CACNA1C: variants seen among roughly 807,000 people sequenced by gnomAD.
CACNA1C encodes calcium voltage-gated channel subunit alpha1 C.
Under a neutral mutation model 229.0 loss-of-function variants are expected in CACNA1C, and 30 were observed. That is an observed-to-expected ratio of 0.13 (90% CI 0.10 to 0.18). CACNA1C has a LOEUF of 0.18. Among genes scored for constraint, CACNA1C ranks in the 10% least tolerant of loss-of-function variants. The pLI, the probability that CACNA1C is intolerant of heterozygous loss-of-function variation, is 1.00. For missense variants in CACNA1C, 1,658 were observed against 2,845.0 expected (o/e 0.58, Z 9.49); for synonymous variants, 1,114 against 1,132.5 (o/e 0.98, Z 0.33).
intron 3 of CACNA1C, among the ~76,000 whole-genome samples, chr12:2,180,516 T>C (rs532621085): frequency 1.3e-5 from 2 of 152,242 alleles, no homozygotes; most frequent in African/African-American, 2.4e-5. Context: ...TGCTCAAAGA[T>C]ATTTTAGGTC....
chr12:2,516,384 G>A (rs912973220), intron 9 of CACNA1C, among the ~76,000 whole-genome samples: 1 of 152,168 alleles, frequency 6.6e-6, no homozygotes, highest in African/African-American at 2.4e-5. Context: ...GAACCAAAGA[G>A]CCTCTGGGTA....
Position 2,602,314 on chromosome 12 carries a change from G to A in CACNA1C, c.2960+354G>A, listed in dbSNP as rs558299166. ...CAGCAACCCACAGTCTGCCACTGCC[G>A]TGACCTCCCCTGACCTGGACCCTCC... On this transcript the variant is annotated intron_variant, in intron 22 of 46. Coordinates refer to ENST00000399655, the MANE Select transcript of CACNA1C (RefSeq NM_000719.7). The surrounding 1 kb of genome is among the most constrained non-coding windows in gnomAD (Gnocchi z 4.4). Among the ~76,000 whole-genome samples, 18 of 152,220 alleles carry A rather than the reference G, an allele frequency of 1.2e-4. No individual in the cohort carries two copies. In the East Asian group the frequency reaches 1.7e-3, roughly 15 times the overall value.
chr12:2,137,185 A>G (rs1778309507), intron 3 of CACNA1C, among the ~76,000 whole-genome samples: 2 of 151,340 alleles, frequency 1.3e-5, no homozygotes, highest in South Asian at 4.2e-4. Context: ...GAACACCAGG[A>G]TGTGGGATGG....
At chr12:2,191,123 C>T (rs2097197629) in intron 3 of CACNA1C, among the ~76,000 whole-genome samples, 1 of 152,038 alleles carries the variant, frequency 6.6e-6, no homozygotes, top group Admixed American at 6.5e-5. Flanking sequence ...CACCCTGGGG[C>T]GTCAGGAGAG....
At chr12:2,271,315 G>A (rs1042056433) in intron 3 of CACNA1C, among the ~76,000 whole-genome samples, 2 of 152,214 alleles carry the variant, frequency 1.3e-5, no homozygotes, top group African/African-American at 2.4e-5. Context: ...GCCCCAGAGC[G>A]GGTATTTTCC....
rs369262825 is a variant in CACNA1C at position 2,648,492 on chromosome 12, A to G, written c.3930A>G (p.Gln1310=). The G allele has an allele frequency of 1.9e-5, 30 of 1,613,508 alleles. No individual in the cohort carries two copies. In the East Asian group the frequency reaches 2.9e-4, roughly 16 times the overall value. ...ITEVNPAEHT[Q]CSPSMNAEEN... ...CTTTAAAGCCAGCTGAACATACCCA[A>G]TGCTCTCCCTCTATGGTAAGACCAA... Residue 1310 remains glutamine, a synonymous_variant, in exon 31 of 47, where the codon CAA becomes CAG. Coordinates refer to ENST00000399655, the MANE Select transcript of CACNA1C (RefSeq NM_000719.7).
chr12:2,462,942 T>C (rs533867637), intron 5 of CACNA1C, among the ~76,000 whole-genome samples: 1 of 147,168 alleles, frequency 6.8e-6, no homozygotes, highest in Non-Finnish European at 1.5e-5. Context: ...AGACGGAGTC[T>C]TGCTCTGTCG....
intron 3 of CACNA1C, among the ~76,000 whole-genome samples, chr12:2,200,439 C>A (rs2097548163): frequency 6.6e-6 from 1 of 152,174 alleles, no homozygotes; most frequent in Non-Finnish European, 1.5e-5. Flanking sequence ...CTACTGGCAT[C>A]TAGCGGATAG....
intron 3 of CACNA1C, among the ~76,000 whole-genome samples, chr12:2,323,991 C>T (rs1035237006): frequency 1.3e-5 from 2 of 152,184 alleles, no homozygotes; most frequent in African/African-American, 2.4e-5. Context: ...AGTTCTCCAT[C>T]GCAGGAGCCG....
At chr12:2,482,419 A>G (rs1423327466) in intron 5 of CACNA1C, among the ~76,000 whole-genome samples, 20 of 152,200 alleles carry the variant, frequency 1.3e-4, no homozygotes, top group Admixed American at 1.3e-3. Flanking sequence ...CTGTGCCACC[A>G]CTTCCCAGCT....
At chr12:2,360,153 CCCA>C (rs2097518046) in intron 3 of CACNA1C, among the ~76,000 whole-genome samples, 1 of 103,414 alleles carries the variant, frequency 9.7e-6, no homozygotes, top group African/African-American at 4.4e-5. Flanking sequence ...ACAAACACAC[CCCA>C]CCCCCCCCCA....
At chr12:2,450,841 A>C (rs2099362947) in intron 4 of CACNA1C, among the ~76,000 whole-genome samples, 1 of 152,166 alleles carries the variant, frequency 6.6e-6, no homozygotes, top group Non-Finnish European at 1.5e-5. Context: ...CGGAGGAGAC[A>C]CAGCCATTGT....
chr12:2,676,862 G>C, intron 39 of CACNA1C: 1 of 344,240 alleles, frequency 2.9e-6, no homozygotes, highest in East Asian at 4.7e-5. Flanking sequence ...CAAGAAACTA[G>C]ATGATCTACA....
chr12:2,632,663 A>G lies in CACNA1C; in HGVS notation c.3829-1634A>G, dbSNP rs2153563350. On this transcript the variant is annotated intron_variant, in intron 29 of 46. Coordinates refer to ENST00000399655, the MANE Select transcript of CACNA1C (RefSeq NM_000719.7). The surrounding 1 kb of genome is among the most constrained non-coding windows in gnomAD (Gnocchi z 4.1). ...GCCAGAATCTCTCCTTCAGGGCACC[A>G]CTGTCTTCATCCCCTTCTAGGCAGC... is the stretch of plus-strand genomic sequence containing the variant. Among the ~76,000 whole-genome samples the G allele has an allele frequency of 6.6e-6, 1 of 152,298 alleles. No homozygotes were observed. Among genetic ancestry groups the G allele is most frequent in the South Asian group, 2.1e-4 (1 of 4,828 alleles).
chr12:2,136,833 C>G (rs151318353), intron 3 of CACNA1C, among the ~76,000 whole-genome samples: 2 of 151,526 alleles, frequency 1.3e-5, no homozygotes, highest in Non-Finnish European at 3.0e-5. Flanking sequence ...AACAGGCCCC[C>G]GGGCCTCTTC....
chr12:2,300,378 G>A (rs2094459277), intron 3 of CACNA1C, among the ~76,000 whole-genome samples: 1 of 152,174 alleles, frequency 6.6e-6, no homozygotes, highest in South Asian at 2.1e-4. Flanking sequence ...CCAGCACTTT[G>A]GAAGGCTGAT....
intron 1 of CACNA1C, among the ~76,000 whole-genome samples, chr12:2,035,354 C>G (rs1053084308): frequency 3.9e-5 from 6 of 152,220 alleles, no homozygotes; most frequent in African/African-American, 1.4e-4. Flanking sequence ...AAGAAGGGCT[C>G]TGTTTCTTGG....
At chr12:2,052,468 G>A (rs1312192921), upstream of CACNA1C, among the ~76,000 whole-genome samples, 1 of 152,010 alleles carries the variant, frequency 6.6e-6, no homozygotes, top group Non-Finnish European at 1.5e-5. Flanking sequence ...CTCCTCCTTG[G>A]AATTCCGCTC....
At chr12:2,658,643 C>A (rs1047794127) in intron 34 of CACNA1C, among the ~76,000 whole-genome samples, 1 of 151,886 alleles carries the variant, frequency 6.6e-6, no homozygotes, top group East Asian at 1.9e-4. Flanking sequence ...TTTAAGTTAA[C>A]CGTAAAACAG....
Sources: allele counts gnomAD v4.1 joint callset (sites outside exome capture counted in the v4.1 genomes callset), GRCh38; gene constraint gnomAD v4.1.1; non-coding constraint Gnocchi (gnomAD v3.1); transcripts MANE v1.5; gene names NCBI Gene and HGNC (gene_info 2026-07-23, HGNC 2026-07-21).